Variants in DAW1 observed in about 807,000 individuals in gnomAD.
DAW1 encodes dynein assembly factor with WD repeats 1.
Under a neutral mutation model 56.5 loss-of-function variants are expected in DAW1, and 47 were observed. The ratio of observed to expected loss-of-function variants is 0.83; its 90% CI spans 0.66 to 1.06. The LOEUF (loss-of-function observed/expected upper bound fraction) is 1.06, where lower values mean the gene tolerates loss of function less well. DAW1 is among the 50% of genes least tolerant of loss of function. DAW1 has a pLI of 0.00. For missense variants in DAW1, 505 were observed against 499.3 expected, an observed-to-expected ratio of 1.01 and a Z score of -0.11; for synonymous variants, 190 against 179.0, an observed-to-expected ratio of 1.06 and a Z score of -0.49.
intron 1 of DAW1, among the ~76,000 whole-genome samples, chr2:227,880,802 A>G (rs1690992824): frequency 6.6e-6 from 1 of 152,232 alleles, no homozygotes; most frequent in Non-Finnish European, 1.5e-5. Context: ...CCAGAGGAGA[A>G]GCAGTGTTGA....
intron 2 of DAW1, 120 bp from the exon 3 acceptor site, chr2:227,889,736 G>A (rs1321508882): frequency 2.5e-6 from 2 of 784,522 alleles, no homozygotes; most frequent in African/African-American, 3.6e-5. Context: ...GAAAGATAAT[G>A]GTGTTTTTGA....
Position 227,885,421 on chromosome 2 carries a change from C to G in DAW1, c.111C>G (p.Pro37=). 1 of 1,600,408 alleles carries G rather than the reference C, an allele frequency of 6.2e-7. No individual in the cohort carries two copies. The highest frequency in any genetic ancestry group is 8.5e-7 in the Non-Finnish European group (1 of 1,174,938). Residue 37 remains proline, a splice_region_variant and synonymous_variant, in exon 2 of 13, where the codon CCC becomes CCG. Transcript: ENST00000309931. ...CCATAGATTTGCTTGATCTTGGTCC[C>G]AGGTAAGTAAGCTGTAGGATTCAAC... ...TKSIDLLDLG[P]STDVSALVEE... is the part of the protein sequence containing the mutation.
intron 2 of DAW1, among the ~76,000 whole-genome samples, chr2:227,886,925 T>A (rs1691145661): frequency 6.6e-6 from 1 of 152,086 alleles, no homozygotes; most frequent in African/African-American, 2.4e-5. Flanking sequence ...AACAAAAATG[T>A]TGTGTTTTAG....
chr2:227,917,791 A>G (rs1448170356), intron 10 of DAW1, among the ~76,000 whole-genome samples: 2 of 152,084 alleles, frequency 1.3e-5, no homozygotes, highest in Non-Finnish European at 2.9e-5. Context: ...TTTTAATCAC[A>G]TTAATTCTAA....
intron 1 of DAW1, among the ~76,000 whole-genome samples, chr2:227,874,755 G>A (rs1035091195): frequency 3.9e-5 from 6 of 152,054 alleles, no homozygotes; most frequent in Non-Finnish European, 7.4e-5. Flanking sequence ...GAGGTCAGGA[G>A]TTCGAGACCA....
intron 1 of DAW1, among the ~76,000 whole-genome samples, chr2:227,874,111 C>G (rs1690818882): frequency 6.6e-6 from 1 of 152,160 alleles, no homozygotes; most frequent in South Asian, 2.1e-4. Flanking sequence ...TAGGCCTGTG[C>G]TGGTTCCCAT....
chr2:227,918,202 TC>T (rs200932433), intron 10 of DAW1, among the ~76,000 whole-genome samples: 3 of 141,656 alleles, frequency 2.1e-5, no homozygotes, highest in South Asian at 2.2e-4. Context: ...CATCCATCCA[TC>T]CATCCATCCA....
intron 9 of DAW1, among the ~76,000 whole-genome samples, chr2:227,906,716 T>C (rs1691692170): frequency 6.6e-6 from 1 of 152,238 alleles, no homozygotes; most frequent in Non-Finnish European, 1.5e-5. Flanking sequence ...GATTATACTA[T>C]GGAATTATCA....
chr2:227,912,396 T>C, intron 10 of DAW1: 1 of 1,304,900 alleles, frequency 7.7e-7, no homozygotes, highest in South Asian at 1.2e-5. Flanking sequence ...TTTGATGTTA[T>C]CCGGTGTGTT....
Position 227,898,228 on chromosome 2 carries a change from A to T in DAW1, c.487A>T (p.Ser163Cys). The T allele has an allele frequency of 1.3e-6, 2 of 1,579,412 alleles. No individual in the cohort carries two copies. Among genetic ancestry groups the T allele is most frequent in the Non-Finnish European group, 8.6e-7 (1 of 1,160,148 alleles). The part of the protein sequence containing the change: ...GSFDKTCKLW[S>C]VETGKCYHTF... ...CTTTGATAAAACTTGTAAACTCTGGAGTGTGGAAACAGGAAAATGTTACCA... is the reference window on the plus strand; with the variant it reads ...CTTTGATAAAACTTGTAAACTCTGGTGTGTGGAAACAGGAAAATGTTACCA... Residue 163 changes from serine (S) to cysteine (C), a missense_variant, in exon 6 of 13, where the codon AGT (serine) becomes TGT (cysteine). Physicochemically the swap from Ser to Cys is moderately radical, Grantham distance 112. Coordinates refer to ENST00000309931, the MANE Select transcript of DAW1 (RefSeq NM_178821.3).
intron 1 of DAW1, among the ~76,000 whole-genome samples, chr2:227,872,805 C>T (rs1690789019): frequency 6.6e-6 from 1 of 151,652 alleles, no homozygotes; most frequent in African/African-American, 2.4e-5. Context: ...GTCTAACATC[C>T]CTTCCAGCTG....
At chr2:227,872,846 C>CCATT (rs1690789690) in intron 1 of DAW1, among the ~76,000 whole-genome samples, 1 of 152,188 alleles carries the variant, frequency 6.6e-6, no homozygotes, top group Non-Finnish European at 1.5e-5. Flanking sequence ...ATTCCAGCCA[C>CCATT]CATTCCCTTT....
chr2:227,912,853 T>C (rs944020303), intron 10 of DAW1, among the ~76,000 whole-genome samples: 1 of 152,206 alleles, frequency 6.6e-6, no homozygotes, highest in Non-Finnish European at 1.5e-5. Context: ...GACAACTATG[T>C]ATGCTACACT....
At chr2:227,871,837 A>G in intron 1 of DAW1, 108 bp downstream of exon 1, 1 of 1,470,826 alleles carries the variant, frequency 6.8e-7, no homozygotes, top group Non-Finnish European at 9.3e-7. Flanking sequence ...CGGGGTCCCC[A>G]GGTGGGGCAG....
chr2:227,871,697 T>A lies in DAW1; in HGVS notation c.8T>A (p.Leu3His), dbSNP rs1234077987. Residue 3 changes from leucine (L) to histidine (H), a missense_variant, in exon 1 of 13, where the codon CTC becomes CAC. Physicochemically the swap from Leu to His is moderately conservative, Grantham distance 99 (BLOSUM62 -3). Transcript: ENST00000309931. MK[L>H]KSLLLRYYPP... ...GGATAAGAGAGCAAGAAAATGAAGC[T>A]CAAGAGCCTCCTGCTCCGGTATTAC... 6.2e-7 allele frequency: 1 copy of A among 1,613,618 alleles called. No individual in the cohort carries two copies. Among genetic ancestry groups the A allele is most frequent in the African/African-American group, 1.3e-5 (1 of 74,902 alleles).
intron 10 of DAW1, among the ~76,000 whole-genome samples, chr2:227,915,570 C>T (rs957915566): frequency 6.6e-6 from 1 of 152,062 alleles, no homozygotes; most frequent in Non-Finnish European, 1.5e-5. Flanking sequence ...ATTTCTGTGA[C>T]ACCTCCTTGA....
intron 8 of DAW1, among the ~76,000 whole-genome samples, 200 bp downstream of exon 8, chr2:227,905,235 A>C (rs891327418): frequency 6.6e-6 from 1 of 152,228 alleles, no homozygotes; most frequent in African/African-American, 2.4e-5. Flanking sequence ...ATTCTGAGCA[A>C]ATAATGACAA....
At chr2:227,884,295 A>G (rs1413857280) in intron 1 of DAW1, among the ~76,000 whole-genome samples, 3 of 152,144 alleles carry the variant, frequency 2.0e-5, no homozygotes, top group Admixed American at 2.0e-4. Context: ...TATCTTCTTT[A>G]AAGTCCTTGT....
At chr2:227,891,523 T>C (rs1691268095) in intron 4 of DAW1, among the ~76,000 whole-genome samples, 1 of 152,210 alleles carries the variant, frequency 6.6e-6, no homozygotes, top group African/African-American at 2.4e-5. Flanking sequence ...GGAGGCATAT[T>C]GGGTTCTCAG....
Sources: gnomAD v4.1 joint callset for allele counts (sites outside exome capture counted in the v4.1 genomes callset) on GRCh38, gnomAD v4.1.1 for gene constraint, MANE v1.5 for transcripts, NCBI Gene and HGNC (gene_info 2026-07-23, HGNC 2026-07-21) for gene names.